The following SLC9C1 variants were observed in gnomAD, a reference collection of about 807,000 sequenced individuals.
SLC9C1 encodes the protein solute carrier family 9 member C1.
SLC9C1 carries 97 observed loss-of-function variants against 140.9 expected under a neutral mutation model. The ratio of observed to expected loss-of-function variants is 0.69; its 90% CI spans 0.58 to 0.82. The LOEUF is 0.82. Ranked by LOEUF, SLC9C1 falls within the 40% of genes least tolerant of loss-of-function variation. SLC9C1 has a pLI of 0.00. For synonymous variants in SLC9C1, 440 were observed against 442.6 expected (o/e 0.99, Z 0.07); for missense variants, 1,340 against 1,389.3 (o/e 0.96, Z 0.56).
At chr3:112,186,053 A>G in intron 20 of SLC9C1, 1 of 1,221,930 alleles carries the variant, frequency 8.2e-7, no homozygotes, top group African/African-American at 1.5e-5. Flanking sequence ...TCCGCTGCAC[A>G]GTGCACTTTC....
chr3:112,141,267 C>A lies in SLC9C1; in HGVS notation c.*5G>T. 6.3e-7 allele frequency: 1 copy of A among 1,579,466 alleles called. No individual in the cohort carries two copies. The highest frequency in any genetic ancestry group is 1.4e-5 in the African/African-American group (1 of 72,354). ...TTAATACATGCTTCGGTCTTCTTAA[C>A]AGTCTTACTCTTTCCTAATAGAAGC... is the stretch of plus-strand genomic sequence containing the variant. On this transcript the variant is annotated 3_prime_UTR_variant, in exon 29 of 29. Coordinates refer to ENST00000305815, the MANE Select transcript of SLC9C1 (RefSeq NM_183061.3).
rs79500546 is a variant in SLC9C1, at chr3:112,290,479, T to C, written c.-87-3601A>G. On this transcript the variant is annotated intron_variant, in intron 1 of 28. Coordinates refer to ENST00000305815, the MANE Select transcript of SLC9C1 (RefSeq NM_183061.3). ...GACAAGTGTTCTTTGTTTGACCGTA[T>C]GGTTGATTTTAGAGTATGTGTCACG... Among the ~76,000 whole-genome samples the C allele has an allele frequency of 8.2e-3, 1,242 of 152,332 alleles. 17 individuals are homozygous for C. Among genetic ancestry groups the C allele is most frequent in the African/African-American group, 0.028 (1,160 of 41,568 alleles).
At chr3:112,214,091 C>T (rs934728696) in intron 15 of SLC9C1, among the ~76,000 whole-genome samples, 4 of 152,172 alleles carry the variant, frequency 2.6e-5, no homozygotes, top group Admixed American at 6.5e-5. Context: ...AACCGAACAA[C>T]CAGCTGCTGA....
At chr3:112,141,690 C>T (rs765506617) in intron 28 of SLC9C1, among the ~76,000 whole-genome samples, 3 of 152,150 alleles carry the variant, frequency 2.0e-5, no homozygotes, top group Non-Finnish European at 2.9e-5. Context: ...AAATAAATAA[C>T]TTTCACATAA....
intron 20 of SLC9C1, chr3:112,185,437 C>T (rs1458398388): frequency 6.6e-7 from 1 of 1,503,790 alleles, no homozygotes; most frequent in African/African-American, 1.4e-5. Flanking sequence ...GGTCTCAGCC[C>T]AGCCCCTCTA....
At chr3:112,224,813 G>A (rs576911814) in intron 13 of SLC9C1, among the ~76,000 whole-genome samples, 55 of 151,758 alleles carry the variant, frequency 3.6e-4, no homozygotes, top group Middle Eastern at 3.4e-3. Context: ...AAAAAAGAGA[G>A]AAAGAGAGAA....
At chr3:112,172,634 C>T (rs2077267135) in intron 23 of SLC9C1, among the ~76,000 whole-genome samples, 1 of 151,942 alleles carries the variant, frequency 6.6e-6, no homozygotes, top group Admixed American at 6.6e-5. Flanking sequence ...CTCAGTCTTA[C>T]CGTCTTAGTT....
chr3:112,231,526 T>A, intron 12 of SLC9C1, 40 bp from the exon 13 acceptor site: 1 of 1,543,914 alleles, frequency 6.5e-7, no homozygotes. Context: ...AATACATGAA[T>A]ATTAACATAT....
rs547231631 is a variant in SLC9C1, at chr3:112,274,883, A to G, written c.613+14T>C. On this transcript the variant is annotated intron_variant, in intron 6 of 28. Transcript: ENST00000305815. ...ATTCTGATGTTGAGAAAAATTTTTT[A>G]AAAATATACTTACCTAAGGTATGGT... 2.0e-6 allele frequency: 3 copies of G among 1,528,700 alleles called. No individual in the cohort carries two copies. The highest frequency in any genetic ancestry group is 1.7e-6 in the Non-Finnish European group (2 of 1,145,114). The allele number at this position is 1,528,700 out of a possible 1,614,324, so 94.7% of individuals were successfully genotyped here. A position where few individuals can be genotyped will look rare whatever the true frequency, so the allele number is the denominator to read the frequency against.
chr3:112,213,609 A>G (rs1179444076), intron 15 of SLC9C1, among the ~76,000 whole-genome samples: 1 of 152,188 alleles, frequency 6.6e-6, no homozygotes, highest in African/African-American at 2.4e-5. Context: ...AGAGACAAAG[A>G]AGGCCATTAC....
chr3:112,248,373 T>C (rs1489464473), intron 10 of SLC9C1, among the ~76,000 whole-genome samples: 1 of 152,174 alleles, frequency 6.6e-6, no homozygotes, highest in Non-Finnish European at 1.5e-5. Flanking sequence ...TCACAGAAAC[T>C]GAGATAATAA....
At chr3:112,203,784 T>C (rs2108043433) in intron 17 of SLC9C1, among the ~76,000 whole-genome samples, 1 of 152,084 alleles carries the variant, frequency 6.6e-6, no homozygotes, top group Middle Eastern at 3.4e-3. Context: ...TGAAACCATA[T>C]TTCTATAATA....
At chr3:112,168,611 C>T (rs1392218338) in intron 25 of SLC9C1, among the ~76,000 whole-genome samples, 1 of 152,136 alleles carries the variant, frequency 6.6e-6, no homozygotes, top group African/African-American at 2.4e-5. Flanking sequence ...CTAACTGTAA[C>T]CAAAATGTCC....
At chr3:112,207,755 C>G (rs2078095868) in intron 16 of SLC9C1, among the ~76,000 whole-genome samples, 1 of 152,136 alleles carries the variant, frequency 6.6e-6, no homozygotes. Context: ...CCTTCTCCGA[C>G]CCTACTATTC....
chr3:112,245,321 T>A (rs928359512), intron 10 of SLC9C1, among the ~76,000 whole-genome samples: 1 of 152,190 alleles, frequency 6.6e-6, no homozygotes, highest in South Asian at 2.1e-4. Flanking sequence ...AAAATTGGGT[T>A]ACCATTGTAT....
intron 28 of SLC9C1, among the ~76,000 whole-genome samples, chr3:112,143,064 T>C (rs1016657952): frequency 6.6e-6 from 1 of 152,164 alleles, no homozygotes; most frequent in African/African-American, 2.4e-5. Context: ...AGGACAGGAT[T>C]TGGGTCTTTT....
intron 28 of SLC9C1, among the ~76,000 whole-genome samples, chr3:112,147,012 A>G (rs1294179595): frequency 6.6e-6 from 1 of 152,140 alleles, no homozygotes; most frequent in East Asian, 1.9e-4. Context: ...AGGATGATTA[A>G]GTCTTCTTTT....
intron 26 of SLC9C1, among the ~76,000 whole-genome samples, chr3:112,159,895 G>A (rs1209185396): frequency 6.6e-6 from 1 of 151,570 alleles, no homozygotes; most frequent in African/African-American, 2.4e-5. Flanking sequence ...TTCCTCTTTT[G>A]GTTTCTGTTT....
chr3:112,293,762 G>A (rs954245542), intron 1 of SLC9C1, among the ~76,000 whole-genome samples: 4 of 152,188 alleles, frequency 2.6e-5, no homozygotes, highest in Admixed American at 6.5e-5. Flanking sequence ...CCCTGAACCA[G>A]TGAGCTTTCC....
Sources: gnomAD v4.1 joint callset for allele counts (sites outside exome capture counted in the v4.1 genomes callset) on GRCh38, gnomAD v4.1.1 for gene constraint, MANE v1.5 for transcripts, NCBI Gene and HGNC (gene_info 2026-07-23, HGNC 2026-07-21) for gene names.